Variants in PRKN observed in about 807,000 individuals in gnomAD.
PRKN encodes E3 ubiquitin-protein ligase parkin.
Under a neutral mutation model 59.5 loss-of-function variants are expected in PRKN, and 56 were observed. That is an observed-to-expected ratio of 0.94 (90% confidence interval 0.76 to 1.18). PRKN has a LOEUF of 1.18. Among genes scored for constraint, PRKN ranks in the 50% most tolerant of loss-of-function variants. PRKN has a pLI of 0.00. For missense variants in PRKN, 657 were observed against 596.4 expected (o/e 1.10, Z -1.06); for synonymous variants, 250 against 222.1 (o/e 1.13, Z -1.12).
At chr6:161,796,567 C>G (rs1790857776) in intron 6 of PRKN, among the ~76,000 whole-genome samples, 1 of 151,942 alleles carries the variant, frequency 6.6e-6, no homozygotes, top group Non-Finnish European at 1.5e-5. Context: ...GGTATTTGGC[C>G]CATGGGAGAA....
intron 7 of PRKN, among the ~76,000 whole-genome samples, chr6:161,761,662 T>A (rs1349972833): frequency 1.3e-5 from 2 of 152,098 alleles, no homozygotes; most frequent in African/African-American, 4.8e-5. Context: ...GAAAGGCCAA[T>A]CATACATAGA....
At chr6:162,117,297 C>G (rs1780714002) in intron 4 of PRKN, among the ~76,000 whole-genome samples, 1 of 152,154 alleles carries the variant, frequency 6.6e-6, no homozygotes, top group Non-Finnish European at 1.5e-5. Flanking sequence ...GAGTCATGTT[C>G]AGGATGAGAT....
At chr6:161,718,158 A>C (rs1347213306) in intron 7 of PRKN, among the ~76,000 whole-genome samples, 1 of 152,126 alleles carries the variant, frequency 6.6e-6, no homozygotes, top group Non-Finnish European at 1.5e-5. Context: ...GCCTATTAAT[A>C]ATTAAGGTAA....
At chr6:162,313,030 CCAAAGAAAGAA>C (rs1782591887) in intron 2 of PRKN, among the ~76,000 whole-genome samples, 1 of 151,926 alleles carries the variant, frequency 6.6e-6, no homozygotes, top group African/African-American at 2.4e-5. Flanking sequence ...TGCTCTCAGG[CCAAAGAAAGAA>C]TTATTCATGC....
At chr6:162,463,625 A>G (rs1791275616) in intron 1 of PRKN, among the ~76,000 whole-genome samples, 1 of 152,052 alleles carries the variant, frequency 6.6e-6, no homozygotes, top group African/African-American at 2.4e-5. Context: ...GGGCCTGGAG[A>G]TGTTGACAAT....
chr6:162,711,194 C>G (rs886994044), intron 1 of PRKN, among the ~76,000 whole-genome samples: 1 of 152,208 alleles, frequency 6.6e-6, no homozygotes, highest in Non-Finnish European at 1.5e-5. Context: ...AAAGACCAGG[C>G]ATTTCATATT....
At chr6:162,064,780 G>A (rs1332758535) in intron 4 of PRKN, among the ~76,000 whole-genome samples, 1 of 152,192 alleles carries the variant, frequency 6.6e-6, no homozygotes, top group African/African-American at 2.4e-5. Flanking sequence ...TTCATTACAT[G>A]AAATTGTCTA....
In PRKN at chr6:161,371,482, T is replaced by A. The variant is rs12181966; in HGVS notation, c.1168-11277A>T. On this transcript the variant is annotated intron_variant, in intron 10 of 11. Coordinates refer to ENST00000366898, the MANE Select transcript of PRKN (RefSeq NM_004562.3). This position sits in a 1 kb window ranked among gnomAD's most constrained non-coding sequence, Gnocchi z 5.5. The stretch of plus-strand genomic sequence containing the variant: ...GCCCGGCCTATTTTGTTATTTTTTT[T>A]AAGAGAAATCATCAGAGTGTTGGGA... Among the ~76,000 whole-genome samples, 190 of 151,628 alleles carry A rather than the reference T, an allele frequency of 1.3e-3. 1 individual carries two copies. The highest frequency in any genetic ancestry group is 4.3e-3 in the African/African-American group (176 of 41,296).
chr6:162,582,394 TA>T (rs1173021723), intron 1 of PRKN, among the ~76,000 whole-genome samples: 4 of 152,252 alleles, frequency 2.6e-5, no homozygotes, highest in African/African-American at 9.6e-5. Flanking sequence ...ATCATCCAGT[TA>T]TTTCAGTTTC....
chr6:161,890,971 T>C (rs1261280422), intron 6 of PRKN, among the ~76,000 whole-genome samples: 1 of 152,168 alleles, frequency 6.6e-6, no homozygotes, highest in Non-Finnish European at 1.5e-5. Context: ...CTGTGATCTA[T>C]CGTCAGAGTT....
intron 7 of PRKN, among the ~76,000 whole-genome samples, chr6:161,689,675 G>A (rs1369894610): frequency 6.6e-6 from 1 of 152,048 alleles, no homozygotes; most frequent in Non-Finnish European, 1.5e-5. Flanking sequence ...TCATTTATCC[G>A]AGGGTTCTTT....
At chr6:162,553,255 G>A (rs1324972558) in intron 1 of PRKN, among the ~76,000 whole-genome samples, 1 of 152,132 alleles carries the variant, frequency 6.6e-6, no homozygotes, top group Non-Finnish European at 1.5e-5. Context: ...GCATCTAAGA[G>A]GAGAAAGGAC....
chr6:162,057,302 T>C (rs958852891), intron 4 of PRKN, among the ~76,000 whole-genome samples: 1 of 152,216 alleles, frequency 6.6e-6, no homozygotes, highest in African/African-American at 2.4e-5. Context: ...TATGATTATG[T>C]AACCAAATAT....
intron 3 of PRKN, among the ~76,000 whole-genome samples, chr6:162,207,577 G>A (rs747936237): frequency 5.9e-5 from 9 of 152,114 alleles, no homozygotes; most frequent in African/African-American, 9.7e-5. Flanking sequence ...CCCACTCAGC[G>A]CATGGCCCCG....
At chr6:162,629,332 G>A (rs953448928) in intron 1 of PRKN, among the ~76,000 whole-genome samples, 1 of 152,096 alleles carries the variant, frequency 6.6e-6, no homozygotes, top group Admixed American at 6.5e-5. Flanking sequence ...CATATGGTCT[G>A]TTAGTCCTTT....
chr6:161,978,417 A>G (rs1225301241), intron 5 of PRKN, among the ~76,000 whole-genome samples: 1 of 152,168 alleles, frequency 6.6e-6, no homozygotes, highest in Non-Finnish European at 1.5e-5. Context: ...GACACTTCCA[A>G]TCTGTATTCA....
chr6:161,885,463 G>C (rs190863964), intron 6 of PRKN, among the ~76,000 whole-genome samples: 8 of 152,216 alleles, frequency 5.3e-5, no homozygotes, highest in South Asian at 2.1e-4. Context: ...AGGAGATAGA[G>C]ACCATCCTGG....
Position 161,467,888 on chromosome 6 carries a change from T to C in PRKN, c.1083+80966A>G, listed in dbSNP as rs535992839. Among the ~76,000 whole-genome samples, 6 of 152,144 alleles carry C rather than the reference T, an allele frequency of 3.9e-5. No individual in the cohort carries two copies. Among genetic ancestry groups the C allele is most frequent in the Admixed American group, 2.6e-4 (4 of 15,290 alleles). On this transcript the variant is annotated intron_variant, in intron 9 of 11. Coordinates refer to ENST00000366898, the MANE Select transcript of PRKN (RefSeq NM_004562.3). The surrounding 1 kb of genome is among the most constrained non-coding windows in gnomAD (Gnocchi z 4.3). Reference sequence around the variant, plus strand: ...GACCATGGAGGTCCCACACTGTCCGTCAGTTGCATACTTCCAGCTTTTTTT... The same window carrying C: ...GACCATGGAGGTCCCACACTGTCCGCCAGTTGCATACTTCCAGCTTTTTTT...
intron 10 of PRKN, among the ~76,000 whole-genome samples, chr6:161,368,660 C>A (rs1346417040): frequency 2.0e-5 from 3 of 150,992 alleles, no homozygotes; most frequent in Non-Finnish European, 3.0e-5. Context: ...CAGTGGCTCA[C>A]CTGCCCTCCA....
Sources: gnomAD v4.1 joint callset for allele counts (sites outside exome capture counted in the v4.1 genomes callset) on GRCh38, gnomAD v4.1.1 for gene constraint, Gnocchi (gnomAD v3.1) non-coding constraint, MANE v1.5 for transcripts, NCBI Gene and HGNC (gene_info 2026-07-23, HGNC 2026-07-21) for gene names.